The following COPB1 variants were observed in gnomAD, a reference collection of about 807,000 sequenced individuals.
COPB1 encodes the protein coat protein complex I subunit beta 1, also known as coatomer subunit beta.
COPB1 carries 21 observed loss-of-function variants against 108.7 expected under a neutral mutation model. The ratio of observed to expected loss-of-function variants is 0.19; its 90% CI spans 0.14 to 0.28. The LOEUF is 0.28. Among genes scored for constraint, COPB1 ranks in the 10% least tolerant of loss-of-function variants. The pLI is 1.00. For synonymous variants in COPB1, 378 were observed against 386.8 expected, an observed-to-expected ratio of 0.98 and a Z score of 0.27; for missense variants, 919 against 1,141.3, an observed-to-expected ratio of 0.81 and a Z score of 2.81.
At chr11:14,467,029 A>G (rs1199600113) in intron 16 of COPB1, among the ~76,000 whole-genome samples, 1 of 152,218 alleles carries the variant, frequency 6.6e-6, no homozygotes, top group Non-Finnish European at 1.5e-5. Context: ...CATAGGCAAT[A>G]AAAGAAAAAA....
intron 18 of COPB1, among the ~76,000 whole-genome samples, chr11:14,463,136 A>G (rs1850195907): frequency 6.6e-6 from 1 of 152,152 alleles, no homozygotes; most frequent in Non-Finnish European, 1.5e-5. Context: ...GTTTTTCCTT[A>G]CTTTTCTAAC....
rs377571611 is a variant in COPB1, at chr11:14,479,654, G to A, written c.1273C>T (p.Arg425Cys). 4 of 1,608,820 alleles carry A rather than the reference G, an allele frequency of 2.5e-6. No homozygotes were observed. Among genetic ancestry groups the A allele is most frequent in the African/African-American group, 1.4e-5 (1 of 73,676 alleles). Residue 425 changes from arginine to cysteine, a missense_variant, in exon 11 of 22, where the codon CGT becomes TGT. Coordinates refer to ENST00000439561, the MANE Select transcript of COPB1 (RefSeq NM_001144061.2). ...TTATCAAAGCGCTGAATGGCTTCAC[G>A]AACAAACTCCAAGACATCAGCAGCT... ...AAAADVLEFVREAIQRFDNLR... is the reference protein window; with the variant it reads ...AAAADVLEFVCEAIQRFDNLR...
chr11:14,495,973 A>G (rs543604265), intron 2 of COPB1, among the ~76,000 whole-genome samples: 1 of 152,356 alleles, frequency 6.6e-6, no homozygotes, highest in African/African-American at 2.4e-5. Flanking sequence ...TAAATATCAT[A>G]AAACTGGGTT....
At chr11:14,468,587 C>A (rs1310558940) in intron 16 of COPB1, 94 bp downstream of exon 16, 4 of 1,276,766 alleles carry the variant, frequency 3.1e-6, no homozygotes, top group Non-Finnish European at 4.4e-6. Flanking sequence ...AGTGACTTGA[C>A]AAAATAGTTA....
chr11:14,463,345 T>C (rs1271365708), intron 18 of COPB1, among the ~76,000 whole-genome samples: 1 of 152,180 alleles, frequency 6.6e-6, no homozygotes, highest in Non-Finnish European at 1.5e-5. Context: ...TGAGACAGAG[T>C]CTCACTCTGT....
At position 14,478,935 on chromosome 11, in the gene COPB1, T is replaced by C. The variant is rs1850592412; in HGVS notation, c.1358+634A>G. ...AAAATTTGTTTAGCAGGCTTTCTGG[T>C]TTTTGCCGGAAAGCCCTCTCACAAA... is the stretch of plus-strand genomic sequence containing the variant. On this transcript the variant is annotated intron_variant, in intron 11 of 21. Coordinates refer to ENST00000439561, the MANE Select transcript of COPB1 (RefSeq NM_001144061.2). 6 of 142,702 alleles carry C rather than the reference T, an allele frequency of 4.2e-5. No individual in the cohort carries two copies. In the South Asian group the frequency reaches 1.3e-3, roughly 32 times the overall value. The allele number at this position is 142,702 out of a possible 1,614,324, so 8.8% of individuals were successfully genotyped here.
Position 14,490,661 on chromosome 11 carries a change from T to C in COPB1, c.510A>G (p.Ile170Met). The C allele has an allele frequency of 6.2e-7, 1 of 1,603,696 alleles. No individual in the cohort carries two copies. The highest frequency in any genetic ancestry group is 8.5e-7 in the Non-Finnish European group (1 of 1,176,070). The change falls in exon 5 of 22, where the codon ATA (isoleucine) becomes ATG (methionine). Residue 170 changes from isoleucine to methionine, a missense_variant. Physicochemically the swap from Ile to Met is conservative, Grantham distance 10. Around this residue, in one of 5 missense-constraint regions of COPB1, gnomAD observed 78 missense variants for 95.4 expected, o/e 0.82. Transcript: ENST00000439561. Reference sequence around the variant, plus strand: ...CATGTATCAGTTCAGGAGCATCAGGTATAAGATGTTCAAAATTTCTTTAAA... The same window carrying C: ...CATGTATCAGTTCAGGAGCATCAGGCATAAGATGTTCAAAATTTCTTTAAA... ...YTIYRNFEHL[I>M]PDAPELIHDF...
At position 14,461,228 on chromosome 11, in the gene COPB1, T is replaced by C. The variant is rs1212303162; in HGVS notation, c.2514A>G (p.Ala838=). The C allele has an allele frequency of 6.2e-7, 1 of 1,614,078 alleles. No homozygotes were observed. Among genetic ancestry groups the C allele is most frequent in the African/African-American group, 1.3e-5 (1 of 74,938 alleles). ...DYIQPATCTD[A]EFRQMWAEFE... is the part of the protein sequence containing the mutation. ...ATTCGGCCCACATCTGACGGAATTC[T>C]GCATCAGTGCAAGTTGCAGGCTGGA... Residue 838 remains alanine (A), a synonymous_variant, in exon 19 of 22, where the codon GCA becomes GCG. Coordinates refer to ENST00000439561, the MANE Select transcript of COPB1 (RefSeq NM_001144061.2).
chr11:14,491,939 T>A (rs1850914499), intron 4 of COPB1, among the ~76,000 whole-genome samples: 1 of 152,192 alleles, frequency 6.6e-6, no homozygotes, highest in East Asian at 1.9e-4. Context: ...TTTTGGAAAT[T>A]TAGAAATATT....
chr11:14,493,947 T>C (rs186087488), intron 3 of COPB1, 136 bp from the exon 4 acceptor site: 267 of 850,666 alleles, frequency 3.1e-4, no homozygotes, highest in Middle Eastern at 1.1e-3. Context: ...ATCATATTCT[T>C]GTTGACTGAA....
In COPB1 at chr11:14,458,661, C is replaced by T; in HGVS notation, c.2673G>A (p.Met891Ile). The change falls in exon 21 of 22, where the codon ATG becomes ATA. Residue 891 changes from methionine (M) to isoleucine (I), a missense_variant. By Grantham distance (10) the Met-to-Ile change is conservative. Coordinates refer to ENST00000439561, the MANE Select transcript of COPB1 (RefSeq NM_001144061.2). ...TGGAACGAGCATAAAGGTTGGCTGC[C>T]ATAAAGCCACAGTAACCAGAAAGGG... ...EKALSGYCGFMAANLYARSIF... is the reference protein window; with the variant it reads ...EKALSGYCGFIAANLYARSIF... 6.2e-7 allele frequency: 1 copy of T among 1,611,450 alleles called. No individual in the cohort carries two copies. Among genetic ancestry groups the T allele is most frequent in the Non-Finnish European group, 8.5e-7 (1 of 1,178,930 alleles).
rs1851114052 is a variant in COPB1, at chr11:14,499,733, G to A, written c.-84C>T. On this transcript the variant is annotated 5_prime_UTR_variant, in exon 1 of 22. Transcript: ENST00000439561. ...ACGCCTCTGGGACTGGGGGCTTGTG[G>A]CCCACTACCAGGCTCCGAGGGGCAG... The A allele has an allele frequency of 6.6e-6, 1 of 152,294 alleles. No homozygotes were observed. The highest frequency in any genetic ancestry group is 6.5e-5 in the Admixed American group (1 of 15,284). 9.4% of individuals were successfully genotyped at this position (152,294 alleles called of 1,614,324 possible). A position where few individuals can be genotyped will look rare whatever the true frequency, so the allele number is the denominator to read the frequency against.
chr11:14,477,895 T>G (rs1261475661), intron 11 of COPB1, among the ~76,000 whole-genome samples: 1 of 106,702 alleles, frequency 9.4e-6, no homozygotes, highest in East Asian at 2.7e-4. Flanking sequence ...AGACTCCATC[T>G]CAAAAAAAAA....
chr11:14,487,080 GTAC>G (rs1221922144), intron 6 of COPB1, among the ~76,000 whole-genome samples: 1 of 152,116 alleles, frequency 6.6e-6, no homozygotes. Context: ...TTTTTCCCAA[GTAC>G]TACTACTTAT....
chr11:14,474,685 T>G, intron 13 of COPB1, 70 bp from the exon 14 acceptor site: 1 of 1,591,202 alleles, frequency 6.3e-7, no homozygotes, highest in Non-Finnish European at 8.5e-7. Context: ...TATAAATGAA[T>G]GATATAGGCC....
chr11:14,469,190 G>A, intron 15 of COPB1, 146 bp downstream of exon 15: 2 of 692,662 alleles, frequency 2.9e-6, no homozygotes, highest in South Asian at 3.5e-5. Flanking sequence ...TGAGACAGGG[G>A]CTTGCTATGT....
In COPB1 at chr11:14,467,542, T is replaced by C. The variant is rs375024036; in HGVS notation, c.2146-1116A>G. Reference sequence around the variant, plus strand: ...TCCAGCAATTCTGCTTCTAGATATATACCCAAAAGAACTAAAAGCAGGGAC... The same window carrying C: ...TCCAGCAATTCTGCTTCTAGATATACACCCAAAAGAACTAAAAGCAGGGAC... On this transcript the variant is annotated intron_variant, in intron 16 of 21. Transcript: ENST00000439561. 1.9e-4 allele frequency among the ~76,000 whole-genome samples: 29 copies of C among 152,294 alleles called. No homozygotes were observed. The East Asian group carries it at 4.8e-3, about 25-fold the overall frequency.
chr11:14,467,766 A>G (rs1392738114), intron 16 of COPB1, among the ~76,000 whole-genome samples: 1 of 152,202 alleles, frequency 6.6e-6, no homozygotes, highest in Non-Finnish European at 1.5e-5. Context: ...AAGACATTAT[A>G]CTGAGTGAAA....
At chr11:14,461,382 T>C (rs757176189) in intron 18 of COPB1, 51 bp from the exon 19 acceptor site, 2 of 1,575,174 alleles carry the variant, frequency 1.3e-6, no homozygotes, top group Non-Finnish European at 1.7e-6. Flanking sequence ...AAACTTGAAT[T>C]TAAAAAATCT....
Sources: allele counts gnomAD v4.1 joint callset (sites outside exome capture counted in the v4.1 genomes callset), GRCh38; gene constraint gnomAD v4.1.1; regional missense constraint gnomAD v4.1.1; transcripts MANE v1.5; gene names NCBI Gene and HGNC (gene_info 2026-07-23, HGNC 2026-07-21).